The following DNAH6 variants were observed in gnomAD, a reference collection of about 807,000 sequenced individuals.
DNAH6 encodes the protein axonemal beta dynein heavy chain 6.
In DNAH6, 340 loss-of-function variants were observed where a neutral mutation model predicts 491.4. The ratio of observed to expected loss-of-function variants is 0.69; its 90% CI spans 0.63 to 0.76. The LOEUF (loss-of-function observed/expected upper bound fraction) is 0.76. DNAH6 is among the 30% of genes least tolerant of loss of function. The probability of loss-of-function intolerance (pLI) is 0.00; values close to 1 mark genes in which losing one functional copy is unlikely to be tolerated. For synonymous variants in DNAH6, 1,603 were observed against 1,686.1 expected (o/e 0.95, Z 1.21); for missense variants, 4,443 against 4,972.2 (o/e 0.89, Z 3.20).
chr2:84,571,294 T>A (rs979177071), intron 11 of DNAH6, among the ~76,000 whole-genome samples: 2 of 152,144 alleles, frequency 1.3e-5, no homozygotes, highest in Non-Finnish European at 2.9e-5. Context: ...AAAAGTATAA[T>A]AAGAAATGGG....
At chr2:84,637,508 G>T in intron 31 of DNAH6, 131 bp downstream of exon 31, 1 of 1,039,668 alleles carries the variant, frequency 9.6e-7, no homozygotes. Flanking sequence ...GTGTAGATAT[G>T]ATTGTTATCA....
intron 11 of DNAH6, among the ~76,000 whole-genome samples, chr2:84,561,695 G>GA (rs1318877678): frequency 2.0e-5 from 3 of 151,758 alleles, no homozygotes; most frequent in Admixed American, 6.6e-5. Flanking sequence ...AAATTTACAA[G>GA]AAAAAAACAA....
intron 45 of DNAH6, among the ~76,000 whole-genome samples, chr2:84,690,414 G>T (rs1023186643): frequency 3.9e-5 from 6 of 152,138 alleles, no homozygotes; most frequent in Non-Finnish European, 1.5e-5. Context: ...ATACCCACAT[G>T]CTATCCCCTA....
intron 64 of DNAH6, among the ~76,000 whole-genome samples, chr2:84,772,740 C>T (rs933776964): frequency 4.6e-5 from 7 of 151,786 alleles, no homozygotes; most frequent in Non-Finnish European, 8.8e-5. Flanking sequence ...AGAACAATTA[C>T]GAAAAATAAA....
At position 84,796,404 on chromosome 2, in the gene DNAH6, G is replaced by C; in HGVS notation, c.11338G>C (p.Asp3780His). The change falls in exon 69 of 77, where the codon GAT becomes CAT. Residue 3780 changes from aspartate to histidine, a missense_variant. Transcript: ENST00000389394. ...TTTTTCTCCTGAAACATTAGAAGAA[G>C]ATTATAAATACTCTGAATCAGGTGA... ...RFFSPETLEE[D>H]YKYSESGIYF... is the part of the protein sequence containing the mutation. 6.5e-7 allele frequency: 1 copy of C among 1,527,402 alleles called. No individual in the cohort carries two copies. Among genetic ancestry groups the C allele is most frequent in the Non-Finnish European group, 8.8e-7 (1 of 1,132,520 alleles). The allele number at this position is 1,527,402 out of a possible 1,614,324, so 94.6% of individuals were successfully genotyped here. A position where few individuals can be genotyped will look rare whatever the true frequency, so the allele number is the denominator to read the frequency against.
At position 84,677,008 on chromosome 2, in the gene DNAH6, G is replaced by A; in HGVS notation, c.6616G>A (p.Val2206Ile). 1.3e-6 allele frequency: 2 copies of A among 1,551,832 alleles called. No homozygotes were observed. Among genetic ancestry groups the A allele is most frequent in the Non-Finnish European group, 1.7e-6 (2 of 1,147,002 alleles). The change falls in exon 41 of 77, where the codon GTA (valine) becomes ATA (isoleucine). Residue 2206 changes from valine to isoleucine, a missense_variant. Val to Ile is a conservative substitution (Grantham distance 29, BLOSUM62 3). This residue lies in a region of DNAH6 where 2,977 missense variants were observed against 3,296.6 expected (regional missense o/e 0.90). Coordinates refer to ENST00000389394, the MANE Select transcript of DNAH6 (RefSeq NM_001370.2). ...NKLFWKEIQD[V>I]TIISACAPPG... ...AAGTGGATTTCTCTGCACACAGGAT[G>A]TAACAATCATATCGGCATGTGCACC...
chr2:84,683,412 A>ATTTTTTTTTTTTTTTTTT (rs61217837), intron 42 of DNAH6, among the ~76,000 whole-genome samples: 1 of 93,920 alleles, frequency 1.1e-5, no homozygotes, highest in African/African-American at 4.2e-5. Flanking sequence ...CACCACTCTT[A>ATTTTTTTTTTTTTTTTTT]TTTTTTTTTT....
intron 72 of DNAH6, among the ~76,000 whole-genome samples, chr2:84,810,448 G>A (rs1031318612): frequency 6.6e-6 from 1 of 152,174 alleles, no homozygotes; most frequent in African/African-American, 2.4e-5. Context: ...AAGGGGAGGA[G>A]CCCAGGGACA....
At chr2:84,587,499 A>G (rs1324517913) in intron 15 of DNAH6, among the ~76,000 whole-genome samples, 2 of 152,216 alleles carry the variant, frequency 1.3e-5, no homozygotes, top group South Asian at 4.1e-4. Context: ...TGCTTCTTCT[A>G]TAGAAGGTTT....
rs538615410 is a variant in DNAH6 at position 84,590,968 on chromosome 2, C to T, written c.2610+2014C>T. Among the ~76,000 whole-genome samples the T allele has an allele frequency of 7.2e-5, 11 of 152,292 alleles. No individual in the cohort carries two copies. In the East Asian group the frequency reaches 1.7e-3, roughly 24 times the overall value. ...CCGCTGAGAACAAAAGCAACAGTTT[C>T]GACCAGTTTGCACTCACTAGCCATT... On this transcript the variant is annotated intron_variant, in intron 16 of 76. Coordinates refer to ENST00000389394, the MANE Select transcript of DNAH6 (RefSeq NM_001370.2).
intron 8 of DNAH6, 110 bp downstream of exon 8, chr2:84,548,527 A>G: frequency 1.6e-6 from 2 of 1,216,198 alleles, no homozygotes; most frequent in Non-Finnish European, 2.4e-6. Context: ...TGAAGTAATC[A>G]TATCACTATG....
rs566972871 is a variant in DNAH6, at chr2:84,547,392, G to A, written c.1055G>A (p.Arg352Gln). The A allele has an allele frequency of 1.0e-5, 16 of 1,551,596 alleles. No individual in the cohort carries two copies. In the East Asian group the frequency reaches 1.5e-4, roughly 14 times the overall value. Residue 352 changes from arginine to glutamine, a missense_variant, in exon 6 of 77, where the codon CGG becomes CAG. Transcript: ENST00000389394. ...LQEFKAAQVI[R>Q]LAEVTERLGE... is the part of the protein sequence containing the mutation. ...GAATTTAAGGCCGCACAAGTCATAC[G>A]GCTAGCAGAGGTAACAAATTTTGTC...
intron 11 of DNAH6, among the ~76,000 whole-genome samples, chr2:84,563,889 G>A (rs536827019): frequency 7.2e-5 from 11 of 152,260 alleles, no homozygotes; most frequent in Admixed American, 5.2e-4. Context: ...GAAAGGTAGA[G>A]GTGCAGTTTC....
At chr2:84,747,938 C>T (rs1162433591) in intron 63 of DNAH6, among the ~76,000 whole-genome samples, 1 of 152,192 alleles carries the variant, frequency 6.6e-6, no homozygotes, top group African/African-American at 2.4e-5. Context: ...ACCTGGAGCC[C>T]TCTGAGCCAA....
At position 84,653,777 on chromosome 2, in the gene DNAH6, T is replaced by G. The variant is rs1384339905; in HGVS notation, c.5537T>G (p.Ile1846Ser). The change falls in exon 34 of 77, where the codon ATT becomes AGT. Residue 1846 changes from isoleucine (I) to serine (S), a missense_variant. Physicochemically the swap from Ile to Ser is moderately radical, Grantham distance 142. Around this residue, in one of 3 missense-constraint regions of DNAH6, gnomAD observed 2,977 missense variants for 3,296.6 expected, o/e 0.90. Coordinates refer to ENST00000389394, the MANE Select transcript of DNAH6 (RefSeq NM_001370.2). ...GATGGGCCAGTAGATGCTCTTTGGA[T>G]TGAAAACATGAATACAGTGCTGGAT... ...ISDGPVDALW[I>S]ENMNTVLDDN... The G allele has an allele frequency of 3.2e-6, 5 of 1,551,346 alleles. No individual in the cohort carries two copies. Among genetic ancestry groups the G allele is most frequent in the Non-Finnish European group, 4.4e-6 (5 of 1,146,734 alleles).
chr2:84,580,996 T>G (rs1444636205), intron 14 of DNAH6, among the ~76,000 whole-genome samples: 1 of 152,222 alleles, frequency 6.6e-6, no homozygotes, highest in Non-Finnish European at 1.5e-5. Context: ...CTGCTTCTTC[T>G]TACCACAGCA....
intron 76 of DNAH6, 53 bp from the exon 77 acceptor site, chr2:84,819,252 T>C: frequency 7.8e-7 from 1 of 1,285,100 alleles, no homozygotes; most frequent in Non-Finnish European, 1.1e-6. Context: ...TCTCTTTGTA[T>C]GAGGAAGTTA....
At chr2:84,807,152 G>T (rs1446946691) in intron 71 of DNAH6, among the ~76,000 whole-genome samples, 1 of 152,122 alleles carries the variant, frequency 6.6e-6, no homozygotes, top group African/African-American at 2.4e-5. Context: ...AGAACTGAGG[G>T]TTTGAAATAG....
chr2:84,520,865 A>G (rs1007758291), intron 2 of DNAH6, among the ~76,000 whole-genome samples: 8 of 152,120 alleles, frequency 5.3e-5, no homozygotes, highest in East Asian at 1.9e-4. Context: ...TAGTGCTGCA[A>G]TGAACATACA....
Sources: gnomAD v4.1 joint callset for allele counts (sites outside exome capture counted in the v4.1 genomes callset) on GRCh38, gnomAD v4.1.1 for gene constraint, gnomAD v4.1.1 regional missense constraint, MANE v1.5 for transcripts, NCBI Gene and HGNC (gene_info 2026-07-23, HGNC 2026-07-21) for gene names.